Variants in RXFP1 observed in about 807,000 individuals in gnomAD.
The protein encoded by RXFP1 is relaxin family peptide receptor 1.
In RXFP1, 73 loss-of-function variants were observed where a neutral mutation model predicts 89.8. The ratio of observed to expected loss-of-function variants is 0.81; its 90% CI spans 0.67 to 0.99. The LOEUF (loss-of-function observed/expected upper bound fraction) is 0.99. Ranked by LOEUF, RXFP1 falls within the 50% of genes least tolerant of loss-of-function variation. The probability of loss-of-function intolerance (pLI) is 0.00; values close to 1 mark genes in which losing one functional copy is unlikely to be tolerated. For synonymous variants in RXFP1, 277 were observed against 305.5 expected (o/e 0.91, Z 0.97); for missense variants, 793 against 895.5 (o/e 0.89, Z 1.46).
At chr4:158,524,092 C>T (rs935056309) in intron 1 of RXFP1, among the ~76,000 whole-genome samples, 2 of 152,150 alleles carry the variant, frequency 1.3e-5, no homozygotes, top group Non-Finnish European at 2.9e-5. Flanking sequence ...CTTTCAGAAA[C>T]CCTGTGTTCC....
At chr4:158,590,366 GC>G (rs1467982502) in intron 2 of RXFP1, among the ~76,000 whole-genome samples, 1 of 152,040 alleles carries the variant, frequency 6.6e-6, no homozygotes, top group Non-Finnish European at 1.5e-5. Flanking sequence ...CTCCACCTTG[GC>G]CAGACTGGTC....
chr4:158,574,346 G>A (rs961402865), intron 2 of RXFP1, among the ~76,000 whole-genome samples: 2 of 151,902 alleles, frequency 1.3e-5, no homozygotes, highest in South Asian at 2.1e-4. Context: ...TTAAGTTTCC[G>A]TTAACATAAA....
chr4:158,576,478 A>C (rs1756226527), intron 2 of RXFP1, among the ~76,000 whole-genome samples: 1 of 152,096 alleles, frequency 6.6e-6, no homozygotes, highest in Non-Finnish European at 1.5e-5. Flanking sequence ...CTCAGGCTCC[A>C]TCCCAGACCT....
At position 158,537,331 on chromosome 4, in the gene RXFP1, C is replaced by T. The variant is rs1667559399; in HGVS notation, c.49+15306C>T. ...TCATCCTTTCCTTCCCTTGTCCCCC[C>T]AAAAAACAACTAAATTTTCTTAATC... On this transcript the variant is annotated intron_variant, in intron 1 of 17. Transcript: ENST00000307765. Among the ~76,000 whole-genome samples, 5 of 151,990 alleles carry T rather than the reference C, an allele frequency of 3.3e-5. No homozygotes were observed. The South Asian group carries it at 1.0e-3, about 32-fold the overall frequency.
At chr4:158,563,527 CACACACACA>C (rs1752917423) in intron 1 of RXFP1, among the ~76,000 whole-genome samples, 1 of 151,626 alleles carries the variant, frequency 6.6e-6, no homozygotes, top group Non-Finnish European at 1.5e-5. Context: ...CACACACACA[CACACACACA>C]CCCCAACAGG....
intron 1 of RXFP1, among the ~76,000 whole-genome samples, chr4:158,528,324 C>A (rs908360769): frequency 4.0e-5 from 6 of 150,800 alleles, no homozygotes; most frequent in Admixed American, 2.0e-4. Flanking sequence ...GGCAACATGG[C>A]GCGACCCCCC....
At chr4:158,585,473 T>TG (rs1758114339) in intron 2 of RXFP1, among the ~76,000 whole-genome samples, 1 of 152,108 alleles carries the variant, frequency 6.6e-6, no homozygotes, top group South Asian at 2.1e-4. Context: ...TCTAACAACA[T>TG]GGGGGGAGAG....
At chr4:158,542,104 TATATA>T (rs1560973456) in intron 1 of RXFP1, among the ~76,000 whole-genome samples, 3 of 48,036 alleles carry the variant, frequency 6.2e-5, no homozygotes, top group African/African-American at 1.8e-4. Flanking sequence ...TATATATATA[TATATA>T]TTTTTTTTTT....
At chr4:158,585,715 T>G (rs1028634840) in intron 2 of RXFP1, among the ~76,000 whole-genome samples, 1 of 152,028 alleles carries the variant, frequency 6.6e-6, no homozygotes, top group African/African-American at 2.4e-5. Flanking sequence ...GTCACTGAGG[T>G]ATACAAAAAT....
intron 1 of RXFP1, among the ~76,000 whole-genome samples, chr4:158,560,104 A>G (rs1293555480): frequency 3.9e-5 from 6 of 152,234 alleles, no homozygotes; most frequent in Non-Finnish European, 8.8e-5. Flanking sequence ...AGCTGCAGGT[A>G]ATGAAGCTGG....
At chr4:158,642,809 C>G (rs564820540) in intron 14 of RXFP1, among the ~76,000 whole-genome samples, 1 of 152,182 alleles carries the variant, frequency 6.6e-6, no homozygotes, top group Admixed American at 6.6e-5. Context: ...CGTGGACACA[C>G]AGGGAGTGAG....
chr4:158,570,314 T>G (rs1377902580), intron 1 of RXFP1, among the ~76,000 whole-genome samples: 4 of 152,074 alleles, frequency 2.6e-5, no homozygotes, highest in African/African-American at 9.7e-5. Flanking sequence ...GAATGGGACT[T>G]CTGGATTGAA....
At chr4:158,525,220 G>GT (rs1296550337) in intron 1 of RXFP1, among the ~76,000 whole-genome samples, 1 of 25,704 alleles carries the variant, frequency 3.9e-5, no homozygotes. Context: ...ATACTTTGGC[G>GT]GGGGGGGGTT....
At chr4:158,633,694 C>T (rs963082824) in intron 12 of RXFP1, among the ~76,000 whole-genome samples, 13 of 152,158 alleles carry the variant, frequency 8.5e-5, no homozygotes, top group Admixed American at 2.6e-4. Flanking sequence ...TCCCACTCAC[C>T]GTTTCCCCAT....
In RXFP1 at chr4:158,556,942, G is replaced by A. The variant is rs191819526; in HGVS notation, c.50-15756G>A. On this transcript the variant is annotated intron_variant, in intron 1 of 17. Transcript: ENST00000307765. Reference sequence around the variant, plus strand: ...TGGTGACCAGAGCAGAGAGAAGGATGGGGAGAAGTTGGTCAAAGGATACAA... The same window carrying A: ...TGGTGACCAGAGCAGAGAGAAGGATAGGGAGAAGTTGGTCAAAGGATACAA... 5.3e-5 allele frequency among the ~76,000 whole-genome samples: 8 copies of A among 152,260 alleles called. No individual in the cohort carries two copies. The East Asian group carries it at 1.5e-3, about 29-fold the overall frequency.
At position 158,648,466 on chromosome 4, in the gene RXFP1, A is replaced by C. The variant is rs758925852; in HGVS notation, c.1757-33A>C. 25 of 1,221,328 alleles carry C rather than the reference A, an allele frequency of 2.0e-5. No homozygotes were observed. In the African/African-American group the frequency reaches 3.8e-4, roughly 19 times the overall value. The allele number at this position is 1,221,328 out of a possible 1,614,324, so 75.7% of individuals were successfully genotyped here. A position where few individuals can be genotyped will look rare whatever the true frequency, so the allele number is the denominator to read the frequency against. ...TGTTCATTTTGAAAGAAATATTTCT[A>C]TGCATTAATAATACTGTTTGTATTC... On this transcript the variant is annotated intron_variant, in intron 16 of 17. Coordinates refer to ENST00000307765, the MANE Select transcript of RXFP1 (RefSeq NM_021634.4).
At chr4:158,543,037 A>C (rs1270130600) in intron 1 of RXFP1, among the ~76,000 whole-genome samples, 1 of 152,184 alleles carries the variant, frequency 6.6e-6, no homozygotes, top group Non-Finnish European at 1.5e-5. Context: ...GTAACAAAAT[A>C]ATCTGAAAAC....
intron 1 of RXFP1, among the ~76,000 whole-genome samples, chr4:158,549,097 G>A (rs1012296314): frequency 9.9e-5 from 15 of 151,680 alleles, no homozygotes; most frequent in African/African-American, 2.9e-4. Flanking sequence ...CCAATCAGAC[G>A]TAGATTTGGT....
intron 1 of RXFP1, among the ~76,000 whole-genome samples, chr4:158,538,726 C>A (rs774741846): frequency 1.3e-5 from 2 of 151,240 alleles, no homozygotes; most frequent in African/African-American, 2.4e-5. Context: ...GGCACTTGAA[C>A]TCGGGAGGCG....
Sources: allele counts gnomAD v4.1 joint callset (sites outside exome capture counted in the v4.1 genomes callset), GRCh38; gene constraint gnomAD v4.1.1; transcripts MANE v1.5; gene names NCBI Gene and HGNC (gene_info 2026-07-23, HGNC 2026-07-21).